B3GALT5: variants seen among roughly 807,000 people sequenced by gnomAD.
B3GALT5 encodes UDP-Gal:betaGlcNAc beta 1,3-galactosyltransferase, polypeptide 5.
For missense variants in B3GALT5, 328 were observed against 396.6 expected (o/e 0.83, Z 1.47); for synonymous variants, 156 against 158.6 (o/e 0.98, Z 0.12).
chr21:39,647,961 A>T (rs78083988), intron 2 of B3GALT5, among the ~76,000 whole-genome samples: 19,248 of 152,246 alleles, frequency 0.13, 1,389 homozygotes, highest in Non-Finnish European at 0.17. Context: ...GCACAGAATA[A>T]TTGGCAGCCC....
At chr21:39,625,304 G>A (rs1329925434) in intron 1 of B3GALT5, among the ~76,000 whole-genome samples, 2 of 152,198 alleles carry the variant, frequency 1.3e-5, no homozygotes, top group Admixed American at 6.5e-5. Context: ...TTTCGTGTGT[G>A]ATCAGTCGTT....
At chr21:39,644,167 A>G (rs2079315586) in intron 1 of B3GALT5, among the ~76,000 whole-genome samples, 1 of 152,182 alleles carries the variant, frequency 6.6e-6, no homozygotes, top group South Asian at 2.1e-4. Context: ...GCATTTGTAC[A>G]TAAGGTAACG....
rs2079557497 is a variant in B3GALT5, at chr21:39,664,231, G to A, written c.*2739G>A. On this transcript the variant is annotated 3_prime_UTR_variant, in exon 4 of 4. Transcript: ENST00000684187. ...CCAGCCACCTGCTGACGGAGCTGTG[G>A]GAGCACATTGCATTGGCTGCTCCCA... 6.6e-6 allele frequency: 1 copy of A among 152,314 alleles called. No individual in the cohort carries two copies. The highest frequency in any genetic ancestry group is 1.5e-5 in the Non-Finnish European group (1 of 68,196). The allele number at this position is 152,314 out of a possible 1,614,324, so 9.4% of individuals were successfully genotyped here.
chr21:39,643,107 A>T (rs2079304786), intron 1 of B3GALT5, among the ~76,000 whole-genome samples: 1 of 151,450 alleles, frequency 6.6e-6, no homozygotes, highest in Non-Finnish European at 1.5e-5. Flanking sequence ...CACAGTGGGG[A>T]GGGGTAGCTT....
intron 1 of B3GALT5, among the ~76,000 whole-genome samples, chr21:39,641,575 G>T (rs1165217807): frequency 6.6e-6 from 1 of 152,104 alleles, no homozygotes; most frequent in Non-Finnish European, 1.5e-5. Context: ...TTCTGGAATA[G>T]CTCATTCCAC....
rs2146231330 is a variant in B3GALT5, at chr21:39,667,361, T to A, written c.*5869T>A. 6.6e-6 allele frequency: 1 copy of A among 152,336 alleles called. No individual in the cohort carries two copies. Among genetic ancestry groups the A allele is most frequent in the Middle Eastern group, 3.4e-3 (1 of 294 alleles). 9.4% of individuals were successfully genotyped at this position (152,336 alleles called of 1,614,324 possible). On this transcript the variant is annotated 3_prime_UTR_variant, in exon 4 of 4. Coordinates refer to ENST00000684187, the MANE Select transcript of B3GALT5 (RefSeq NM_001356336.2). ...AATTAATTTTCATGCGAGTTTTTGA[T>A]CCCCTTGAGTGTGGTTATTTTTGTG...
rs577594943 is a variant in B3GALT5, at chr21:39,672,504, T to C, written c.*11012T>C. 5.3e-5 allele frequency: 8 copies of C among 152,374 alleles called. No homozygotes were observed. The highest frequency in any genetic ancestry group is 5.2e-4 in the Admixed American group (8 of 15,310). 9.4% of individuals were successfully genotyped at this position (152,374 alleles called of 1,614,324 possible). The stretch of plus-strand genomic sequence containing the variant: ...ATTAGGGGGATCTGCTAGACTCTTA[T>C]GTCATTGTATTTTGGAAATGGGTAT... On this transcript the variant is annotated 3_prime_UTR_variant, in exon 4 of 4. Transcript: ENST00000684187.
At chr21:39,631,239 C>G (rs1311775089) in intron 1 of B3GALT5, among the ~76,000 whole-genome samples, 1 of 152,220 alleles carries the variant, frequency 6.6e-6, no homozygotes, top group Non-Finnish European at 1.5e-5. Context: ...ATGAAGGTCT[C>G]AGCAGGGTGG....
chr21:39,621,004 C>T, intron 1 of B3GALT5, among the ~76,000 whole-genome samples: 1 of 152,172 alleles, frequency 6.6e-6, no homozygotes, highest in East Asian at 1.9e-4. Flanking sequence ...ATGGCTCATG[C>T]CTGTAGTCCC....
At chr21:39,634,444 T>A (rs931484942) in intron 1 of B3GALT5, among the ~76,000 whole-genome samples, 2 of 152,194 alleles carry the variant, frequency 1.3e-5, no homozygotes, top group African/African-American at 4.8e-5. Context: ...TTTCTGGCAT[T>A]CAGTCCACTT....
intron 1 of B3GALT5, among the ~76,000 whole-genome samples, chr21:39,637,538 G>A (rs1216328618): frequency 2.0e-5 from 3 of 152,230 alleles, no homozygotes; most frequent in Non-Finnish European, 2.9e-5. Flanking sequence ...CTGCCTGGGT[G>A]TTTGTCAGTC....
At chr21:39,644,904 G>T (rs497930) in intron 1 of B3GALT5, among the ~76,000 whole-genome samples, 41,133 of 151,810 alleles carry the variant, frequency 0.27, 5,712 homozygotes, top group East Asian at 0.41. Context: ...GACTGTCTTG[G>T]GGGGATGGAT....
Position 39,638,027 on chromosome 21 carries a change from C to T in B3GALT5, c.-391-8365C>T, listed in dbSNP as rs548133213. Among the ~76,000 whole-genome samples, 6 of 152,208 alleles carry T rather than the reference C, an allele frequency of 3.9e-5. No homozygotes were observed. The East Asian group carries it at 7.7e-4, about 20-fold the overall frequency. On this transcript the variant is annotated intron_variant, in intron 1 of 3. Transcript: ENST00000684187. ...ACTTGTCATAATGTCCTTGCCACAC[C>T]GGGCCATTTCTCACTTTTATGTCTG...
chr21:39,616,126 T>C (rs2079106252), intron 1 of B3GALT5, among the ~76,000 whole-genome samples: 1 of 152,176 alleles, frequency 6.6e-6, no homozygotes, highest in Admixed American at 6.5e-5. Context: ...GGCAGGAGCA[T>C]TGCTTGAGTC....
intron 2 of B3GALT5, among the ~76,000 whole-genome samples, chr21:39,653,659 C>A (rs1460019362): frequency 6.6e-6 from 1 of 152,202 alleles, no homozygotes; most frequent in East Asian, 1.9e-4. Flanking sequence ...AGATTTCTGG[C>A]AAGTTCCAGA....
In B3GALT5 at chr21:39,660,661, G is replaced by A; in HGVS notation, c.102G>A (p.Gln34=). The A allele has an allele frequency of 1.3e-6, 2 of 1,547,994 alleles. No homozygotes were observed. The highest frequency in any genetic ancestry group is 1.3e-5 in the South Asian group (1 of 79,422). The change falls in exon 4 of 4, where the codon CAG becomes CAA. Residue 34 remains glutamine (Q), a synonymous_variant. Transcript: ENST00000684187. ...ACAGTCTAAATCCTTTCAAAGAACA[G>A]TCCTTTGTTTACAAGAAAGACGGGA... ...SMYSLNPFKE[Q]SFVYKKDGNF... is the part of the protein sequence containing the mutation.
chr21:39,628,945 A>C (rs941072227), intron 1 of B3GALT5, among the ~76,000 whole-genome samples: 19 of 152,222 alleles, frequency 1.2e-4, no homozygotes, highest in Admixed American at 1.2e-3. Context: ...TGTAACTAAA[A>C]AGTGGTTGAC....
chr21:39,663,019 T>C lies in B3GALT5; in HGVS notation c.*1527T>C, dbSNP rs2079543974. 1 of 152,354 alleles carries C rather than the reference T, an allele frequency of 6.6e-6. No homozygotes were observed. The highest frequency in any genetic ancestry group is 2.1e-4 in the South Asian group (1 of 4,830). The allele number at this position is 152,354 out of a possible 1,614,324, so 9.4% of individuals were successfully genotyped here. On this transcript the variant is annotated 3_prime_UTR_variant, in exon 4 of 4. Coordinates refer to ENST00000684187, the MANE Select transcript of B3GALT5 (RefSeq NM_001356336.2). The stretch of plus-strand genomic sequence containing the variant: ...TAAGCTGCTTCTTTGTAGATGTGTT[T>C]CCTCATCCTGGCTGCTCTGAACGCA...
At chr21:39,646,020 G>A (rs1174330434) in intron 1 of B3GALT5, among the ~76,000 whole-genome samples, 2 of 151,148 alleles carry the variant, frequency 1.3e-5, no homozygotes, top group Non-Finnish European at 2.9e-5. Flanking sequence ...CACGGCTGGA[G>A]TAAAGTGCTT....
Sources: gnomAD v4.1 joint callset for allele counts (sites outside exome capture counted in the v4.1 genomes callset) on GRCh38, gnomAD v4.1.1 for gene constraint, MANE v1.5 for transcripts, NCBI Gene and HGNC (gene_info 2026-07-23, HGNC 2026-07-21) for gene names.